HIBADH: variants seen among roughly 807,000 people sequenced by gnomAD.
The protein encoded by HIBADH is 3-hydroxyisobutyrate dehydrogenase.
HIBADH carries 25 observed loss-of-function variants against 36.1 expected under a neutral mutation model. The ratio of observed to expected loss-of-function variants is 0.69; its 90% CI spans 0.50 to 0.97. The LOEUF (loss-of-function observed/expected upper bound fraction) is 0.97. HIBADH is among the 50% of genes least tolerant of loss of function. HIBADH has a pLI of 0.00. For missense variants in HIBADH, 421 were observed against 418.0 expected (o/e 1.01, Z -0.06); for synonymous variants, 160 against 149.5 (o/e 1.07, Z -0.51).
chr7:27,617,790 G>A (rs913250289), intron 4 of HIBADH, among the ~76,000 whole-genome samples: 4 of 152,156 alleles, frequency 2.6e-5, no homozygotes, highest in African/African-American at 9.7e-5. Flanking sequence ...CACTAGCGCA[G>A]GTGGAGATCT....
intron 4 of HIBADH, among the ~76,000 whole-genome samples, chr7:27,569,684 C>T (rs1033416012): frequency 1.3e-5 from 2 of 152,068 alleles, no homozygotes; most frequent in African/African-American, 4.8e-5. Flanking sequence ...TCCCCCACTG[C>T]CACCCGGTCC....
intron 4 of HIBADH, among the ~76,000 whole-genome samples, chr7:27,612,586 G>C (rs2128292074): frequency 6.6e-6 from 1 of 151,660 alleles, no homozygotes; most frequent in Non-Finnish European, 1.5e-5. Context: ...GCCTCCCAAA[G>C]TGCTGGGATT....
intron 4 of HIBADH, among the ~76,000 whole-genome samples, chr7:27,617,055 A>G (rs2128292731): frequency 6.6e-6 from 1 of 152,228 alleles, no homozygotes; most frequent in South Asian, 2.1e-4. Context: ...AGCAGTGTAC[A>G]GTAATGTCCT....
At chr7:27,560,473 G>T (rs1201330233) in intron 4 of HIBADH, among the ~76,000 whole-genome samples, 1 of 152,098 alleles carries the variant, frequency 6.6e-6, no homozygotes, top group Non-Finnish European at 1.5e-5. Flanking sequence ...GGGTACAAAT[G>T]GTTTTTGGTT....
intron 4 of HIBADH, among the ~76,000 whole-genome samples, chr7:27,568,921 ATTT>A (rs70994661): frequency 1.4e-5 from 2 of 144,304 alleles, no homozygotes; most frequent in Non-Finnish European, 3.0e-5. Context: ...TTTTTTCCAA[ATTT>A]TTTTTTTTGT....
chr7:27,526,222 TCTC>T lies in HIBADH; in HGVS notation c.1000_1002del (p.Glu334del), dbSNP rs749953582. 14 of 1,609,424 alleles carry T rather than the reference TCTC, an allele frequency of 8.7e-6. No homozygotes were observed. Among genetic ancestry groups the T allele is most frequent in the African/African-American group, 1.3e-5 (1 of 74,638 alleles). On this transcript the variant is annotated inframe_deletion, in exon 8 of 8. Coordinates refer to ENST00000265395, the MANE Select transcript of HIBADH (RefSeq NM_152740.4). ...GTGGCCAAAGGGCACACTCAGAAGGTCTCCTCCTCTCGTAGGAACTGGAACACG... is the reference window on the plus strand; with the variant it reads ...GTGGCCAAAGGGCACACTCAGAAGGTCTCCTCTCGTAGGAACTGGAACACG...
At chr7:27,575,987 T>C (rs1478985946) in intron 4 of HIBADH, among the ~76,000 whole-genome samples, 1 of 152,078 alleles carries the variant, frequency 6.6e-6, no homozygotes, top group East Asian at 1.9e-4. Flanking sequence ...ACATATGCAG[T>C]AAAAGTCACA....
At chr7:27,556,404 T>C (rs1184640666) in intron 4 of HIBADH, among the ~76,000 whole-genome samples, 2 of 152,342 alleles carry the variant, frequency 1.3e-5, no homozygotes, top group African/African-American at 4.8e-5. Context: ...ACTTTTCTTT[T>C]TGTCACAAAG....
intron 4 of HIBADH, among the ~76,000 whole-genome samples, chr7:27,593,705 CAA>C (rs1277277843): frequency 6.6e-6 from 1 of 151,458 alleles, no homozygotes; most frequent in South Asian, 2.1e-4. Context: ...ATAAAACTTA[CAA>C]AAAGAGGCAA....
At position 27,584,307 on chromosome 7, in the gene HIBADH, C is replaced by T. The variant is rs1470324775; in HGVS notation, c.485-41207G>A. ...TCATACAACGGTCAATTGGAAAATA[C>T]TCGTTCAGTTAGTTATGCAGATATT... On this transcript the variant is annotated intron_variant, in intron 4 of 7. Coordinates refer to ENST00000265395, the MANE Select transcript of HIBADH (RefSeq NM_152740.4). 2.0e-5 allele frequency among the ~76,000 whole-genome samples: 3 copies of T among 152,016 alleles called. No individual in the cohort carries two copies. In the East Asian group the frequency reaches 5.8e-4, roughly 29 times the overall value.
At chr7:27,572,821 A>G (rs1398287658) in intron 4 of HIBADH, among the ~76,000 whole-genome samples, 6 of 152,172 alleles carry the variant, frequency 3.9e-5, no homozygotes, top group Admixed American at 1.3e-4. Flanking sequence ...TCAAATTAAG[A>G]ATTTGATTTG....
At chr7:27,612,388 C>T (rs1184004441) in intron 4 of HIBADH, among the ~76,000 whole-genome samples, 3 of 149,796 alleles carry the variant, frequency 2.0e-5, no homozygotes, top group Admixed American at 6.7e-5. Flanking sequence ...TGCAATGGCT[C>T]GATGTCGGCT....
intron 4 of HIBADH, among the ~76,000 whole-genome samples, chr7:27,602,179 A>C (rs936912212): frequency 3.3e-5 from 5 of 152,076 alleles, no homozygotes; most frequent in Middle Eastern, 3.2e-3. Context: ...CTGAAAAAAA[A>C]AAAAAGAGGA....
At chr7:27,571,215 CTA>C (rs1203300314) in intron 4 of HIBADH, among the ~76,000 whole-genome samples, 1 of 126,830 alleles carries the variant, frequency 7.9e-6, no homozygotes, top group Non-Finnish European at 1.6e-5. Context: ...CATTTTCAAT[CTA>C]TCTTTTATTT....
chr7:27,622,912 T>C (rs1378356982), intron 4 of HIBADH, among the ~76,000 whole-genome samples: 1 of 152,136 alleles, frequency 6.6e-6, no homozygotes, highest in Non-Finnish European at 1.5e-5. Flanking sequence ...ACTCATTCTA[T>C]GAAGCTGGAA....
chr7:27,655,909 C>G (rs1786293243), intron 1 of HIBADH, among the ~76,000 whole-genome samples: 1 of 152,104 alleles, frequency 6.6e-6, no homozygotes, highest in African/African-American at 2.4e-5. Flanking sequence ...CTCTCATATA[C>G]TGTCAAATTG....
chr7:27,617,036 C>G (rs1434089825), intron 4 of HIBADH, among the ~76,000 whole-genome samples: 1 of 152,110 alleles, frequency 6.6e-6, no homozygotes, highest in Non-Finnish European at 1.5e-5. Flanking sequence ...CAGTGTTTAT[C>G]AAGTCTACAG....
intron 2 of HIBADH, among the ~76,000 whole-genome samples, chr7:27,644,401 A>T (rs1019417879): frequency 2.0e-5 from 3 of 151,990 alleles, no homozygotes; most frequent in African/African-American, 7.3e-5. Context: ...GGAGTTCGAG[A>T]CCAGTCTAGC....
intron 2 of HIBADH, among the ~76,000 whole-genome samples, chr7:27,639,683 T>C (rs1291431556): frequency 4.6e-5 from 7 of 152,162 alleles, no homozygotes; most frequent in Admixed American, 3.9e-4. Context: ...GCCCAACTTA[T>C]TTTAATAAAT....
Sources: allele counts gnomAD v4.1 joint callset (sites outside exome capture counted in the v4.1 genomes callset), GRCh38; gene constraint gnomAD v4.1.1; transcripts MANE v1.5; gene names NCBI Gene and HGNC (gene_info 2026-07-23, HGNC 2026-07-21).